TENM2: variants seen among roughly 807,000 people sequenced by gnomAD.
TENM2 encodes the protein teneurin-2.
Under a neutral mutation model 245.2 loss-of-function variants are expected in TENM2, and 52 were observed. The ratio of observed to expected loss-of-function variants is 0.21; its 90% CI spans 0.17 to 0.27. The LOEUF (loss-of-function observed/expected upper bound fraction) is 0.27. Among genes scored for constraint, TENM2 ranks in the 10% least tolerant of loss-of-function variants. The probability of loss-of-function intolerance (pLI) is 1.00; values close to 1 mark genes in which losing one functional copy is unlikely to be tolerated. For synonymous variants in TENM2, 1,363 were observed against 1,438.9 expected, an observed-to-expected ratio of 0.95 and a Z score of 1.19; for missense variants, 3,046 against 3,666.8, an observed-to-expected ratio of 0.83 and a Z score of 4.37.
the TENM2 span, among the ~76,000 whole-genome samples, chr5:167,235,329 T>C: frequency 0.029 from 4,477 of 152,266 alleles, 242 homozygotes; most frequent in African/African-American, 0.1. Context: ...GGGCTAGGAC[T>C]TCAACATATG....
At chr5:167,124,633 A>G in the TENM2 span, among the ~76,000 whole-genome samples, 3 of 152,224 alleles carry the variant, frequency 2.0e-5, no homozygotes, top group Admixed American at 2.0e-4. Context: ...TGTTATAAAG[A>G]GAGCTCTGTG....
At chr5:168,213,362 C>A (rs1363186366) in intron 20 of TENM2, among the ~76,000 whole-genome samples, 2 of 152,116 alleles carry the variant, frequency 1.3e-5, no homozygotes, top group Non-Finnish European at 2.9e-5. Flanking sequence ...CTTCCTAGTT[C>A]TTTTCTTTTT....
chr5:167,743,420 G>A lies in TENM2; in HGVS notation c.503-132566G>A, dbSNP rs528421637. On this transcript the variant is annotated intron_variant, in intron 2 of 28. Transcript: ENST00000518659. ...AGACATCATTCTCAAAATGCACTGCGTTGCAAAGAGGCCACGATTCTTAAA... is the reference window on the plus strand; with the variant it reads ...AGACATCATTCTCAAAATGCACTGCATTGCAAAGAGGCCACGATTCTTAAA... 2.3e-4 allele frequency among the ~76,000 whole-genome samples: 35 copies of A among 152,218 alleles called. No homozygotes were observed. The South Asian group carries it at 4.6e-3, about 20-fold the overall frequency.
At chr5:167,714,820 G>A (rs532028978) in intron 2 of TENM2, among the ~76,000 whole-genome samples, 23 of 152,110 alleles carry the variant, frequency 1.5e-4, no homozygotes, top group Non-Finnish European at 2.4e-4. Context: ...GGGCTATCTC[G>A]ACAGCCCCAC....
chr5:168,107,555 TGG>T (rs5873090), intron 9 of TENM2, among the ~76,000 whole-genome samples: 28,133 of 151,010 alleles, frequency 0.19, 2,822 homozygotes, highest in Admixed American at 0.25. Flanking sequence ...GCAAGCCTCC[TGG>T]GGGGGGGGTC....
chr5:168,025,517 A>C (rs1786534589), intron 5 of TENM2, among the ~76,000 whole-genome samples: 1 of 152,216 alleles, frequency 6.6e-6, no homozygotes, highest in Non-Finnish European at 1.5e-5. Context: ...TGGTATCTCC[A>C]ACAGAGACTG....
chr5:167,700,644 G>A (rs1022414367), intron 2 of TENM2, among the ~76,000 whole-genome samples: 59 of 152,070 alleles, frequency 3.9e-4, no homozygotes, highest in African/African-American at 1.4e-3. Context: ...TCCTCTCTCA[G>A]GGTAGAGAAT....
At chr5:168,207,887 A>T (rs556920370) in intron 19 of TENM2, among the ~76,000 whole-genome samples, 4 of 152,292 alleles carry the variant, frequency 2.6e-5, no homozygotes, top group African/African-American at 9.6e-5. Flanking sequence ...ATAACTTCTG[A>T]TGCTACAAAG....
intron 12 of TENM2, among the ~76,000 whole-genome samples, chr5:168,148,192 A>T (rs1369219382): frequency 6.6e-6 from 1 of 152,226 alleles, no homozygotes; most frequent in Non-Finnish European, 1.5e-5. Flanking sequence ...GTGACTTAGC[A>T]GAAACAGACT....
chr5:167,134,694 T>C, the TENM2 span, among the ~76,000 whole-genome samples: 3 of 152,186 alleles, frequency 2.0e-5, no homozygotes, highest in Non-Finnish European at 4.4e-5. Flanking sequence ...TTCAACGCTG[T>C]TTTATTGGAC....
intron 9 of TENM2, among the ~76,000 whole-genome samples, chr5:168,099,481 C>T (rs1793634417): frequency 6.6e-6 from 1 of 152,268 alleles, no homozygotes; most frequent in South Asian, 2.1e-4. Context: ...ACACAAAGCT[C>T]TTAGCAGGGC....
At chr5:168,163,378 CA>C (rs768600687) in intron 13 of TENM2, among the ~76,000 whole-genome samples, 1 of 152,122 alleles carries the variant, frequency 6.6e-6, no homozygotes, top group Non-Finnish European at 1.5e-5. Flanking sequence ...TGGAAAAAAT[CA>C]TTAAAAAGAA....
At chr5:167,509,997 T>G (rs1769826781) in intron 2 of TENM2, among the ~76,000 whole-genome samples, 1 of 152,174 alleles carries the variant, frequency 6.6e-6, no homozygotes, top group South Asian at 2.1e-4. Context: ...TCATCTTATG[T>G]GGCTGTCTTT....
intron 2 of TENM2, among the ~76,000 whole-genome samples, chr5:167,589,701 G>A (rs1201579501): frequency 6.6e-6 from 1 of 151,900 alleles, no homozygotes; most frequent in Non-Finnish European, 1.5e-5. Flanking sequence ...TTAAACAGGT[G>A]AATATTTAAA....
chr5:167,218,377 T>A, the TENM2 span, among the ~76,000 whole-genome samples: 1 of 152,196 alleles, frequency 6.6e-6, no homozygotes, highest in Admixed American at 6.5e-5. Flanking sequence ...TTAAATTTTT[T>A]TTCCCCTCCT....
chr5:167,664,419 A>G (rs1755439213), intron 2 of TENM2, among the ~76,000 whole-genome samples: 1 of 152,156 alleles, frequency 6.6e-6, no homozygotes. Context: ...TCAATTATTC[A>G]TTTTGTTAAT....
chr5:167,580,318 A>G (rs193118568), intron 2 of TENM2, among the ~76,000 whole-genome samples: 1 of 152,216 alleles, frequency 6.6e-6, no homozygotes, highest in Non-Finnish European at 1.5e-5. Context: ...ACTATTCACT[A>G]AAGTCGACTG....
chr5:167,006,494 C>T, the TENM2 span, among the ~76,000 whole-genome samples: 2 of 152,142 alleles, frequency 1.3e-5, no homozygotes, highest in East Asian at 3.9e-4. Flanking sequence ...AGCCTGATTC[C>T]CATATCTTAG....
At chr5:167,488,654 G>A (rs967835561) in intron 2 of TENM2, among the ~76,000 whole-genome samples, 1 of 147,706 alleles carries the variant, frequency 6.8e-6, no homozygotes, top group South Asian at 2.2e-4. Context: ...CCTGCACCCC[G>A]CCCCCTTCTA....
Sources: allele counts gnomAD v4.1 joint callset (sites outside exome capture counted in the v4.1 genomes callset), GRCh38; gene constraint gnomAD v4.1.1; transcripts MANE v1.5; gene names NCBI Gene and HGNC (gene_info 2026-07-23, HGNC 2026-07-21).